Variants in ADAM20 observed in about 807,000 individuals in gnomAD.
ADAM20 encodes ADAM metallopeptidase domain 20.
For synonymous variants in ADAM20, 305 were observed against 310.2 expected, an observed-to-expected ratio of 0.98 and a Z score of 0.18; for missense variants, 871 against 883.2, an observed-to-expected ratio of 0.99 and a Z score of 0.18.
At chr14:70,540,997 T>G in the ADAM20 span, among the ~76,000 whole-genome samples, 2 of 151,918 alleles carry the variant, frequency 1.3e-5, no homozygotes, top group African/African-American at 4.8e-5. Flanking sequence ...TTCACCATGT[T>G]GGCCAGGATA....
the ADAM20 span, among the ~76,000 whole-genome samples, chr14:70,540,983 G>C: frequency 1.3e-5 from 2 of 151,846 alleles, no homozygotes; most frequent in South Asian, 4.2e-4. Context: ...AATAGAGACA[G>C]GGTTTCACCA....
At chr14:70,537,104 C>T (rs1192140176), upstream of ADAM20, among the ~76,000 whole-genome samples, 1 of 152,130 alleles carries the variant, frequency 6.6e-6, no homozygotes, top group Non-Finnish European at 1.5e-5. Context: ...TACAGGCTGT[C>T]ATGCAACCCA....
At chr14:70,528,198 A>G (rs10144489) in intron 1 of ADAM20, among the ~76,000 whole-genome samples, 6,461 of 152,292 alleles carry the variant, frequency 0.042, 241 homozygotes, top group African/African-American at 0.097. Context: ...ATTATGTTAA[A>G]CCTGCATAAA....
At chr14:70,536,048 C>A (rs1479769986), upstream of ADAM20, among the ~76,000 whole-genome samples, 34 of 152,098 alleles carry the variant, frequency 2.2e-4, no homozygotes, top group Admixed American at 2.2e-3. Context: ...ATCAAATTAA[C>A]CTAATGTACA....
At chr14:70,540,867 A>G in the ADAM20 span, among the ~76,000 whole-genome samples, 1 of 152,156 alleles carries the variant, frequency 6.6e-6, no homozygotes, top group Non-Finnish European at 1.5e-5. Flanking sequence ...ATCTTGGCTC[A>G]CTGCAACCTC....
the ADAM20 span, among the ~76,000 whole-genome samples, chr14:70,577,341 T>C: frequency 6.6e-6 from 1 of 152,292 alleles, no homozygotes; most frequent in East Asian, 1.9e-4. Context: ...GAAAACAGTG[T>C]AATCCATCAT....
the ADAM20 span, chr14:70,557,552 T>C: frequency 2.0e-5 from 3 of 152,216 alleles, no homozygotes; most frequent in African/African-American, 4.8e-5. Context: ...GAAAATGTCA[T>C]TAGGATTTAA....
the ADAM20 span, among the ~76,000 whole-genome samples, chr14:70,540,360 C>T: frequency 6.6e-6 from 1 of 152,064 alleles, no homozygotes; most frequent in South Asian, 2.1e-4. Flanking sequence ...AAAATAAGTG[C>T]TTAAATCAAA....
At chr14:70,531,026 C>A (rs1348129328) in intron 1 of ADAM20, among the ~76,000 whole-genome samples, 5 of 151,816 alleles carry the variant, frequency 3.3e-5, no homozygotes, top group Non-Finnish European at 7.4e-5. Flanking sequence ...GAGAATAGAC[C>A]ATTTAAAAAT....
intron 1 of ADAM20, among the ~76,000 whole-genome samples, chr14:70,525,943 C>T (rs75689633): frequency 0.011 from 1,702 of 152,218 alleles, 19 homozygotes; most frequent in South Asian, 0.031. Flanking sequence ...TCCTCCTGGT[C>T]ATGTCAATAC....
chr14:70,544,912 A>G, the ADAM20 span, among the ~76,000 whole-genome samples: 3 of 152,212 alleles, frequency 2.0e-5, no homozygotes, highest in Non-Finnish European at 4.4e-5. Flanking sequence ...GGTTCTTGAA[A>G]GTAATAATAA....
At chr14:70,537,333 G>A (rs766604214), upstream of ADAM20, among the ~76,000 whole-genome samples, 102 of 152,262 alleles carry the variant, frequency 6.7e-4, no homozygotes, top group Middle Eastern at 3.4e-3. Context: ...CAGGTATTTC[G>A]CTTTCTCCTC....
At chr14:70,537,397 A>G (rs754032394), upstream of ADAM20, among the ~76,000 whole-genome samples, 3 of 152,104 alleles carry the variant, frequency 2.0e-5, no homozygotes, top group Non-Finnish European at 2.9e-5. Flanking sequence ...CCAGTCCAAG[A>G]GGCCCTTTGC....
At chr14:70,566,685 A>T in the ADAM20 span, among the ~76,000 whole-genome samples, 1 of 152,188 alleles carries the variant, frequency 6.6e-6, no homozygotes, top group African/African-American at 2.4e-5. Context: ...TCCTGCAGAA[A>T]AAGTAGGCGG....
the ADAM20 span, among the ~76,000 whole-genome samples, chr14:70,576,342 CTTAACT>C: frequency 3.3e-5 from 5 of 152,048 alleles, no homozygotes; most frequent in African/African-American, 7.2e-5. Flanking sequence ...AACCTTTAGC[CTTAACT>C]TTAACTTTAA....
chr14:70,568,390 T>C, the ADAM20 span, among the ~76,000 whole-genome samples: 1 of 150,802 alleles, frequency 6.6e-6, no homozygotes, highest in Non-Finnish European at 1.5e-5. Context: ...AAAGATCCCA[T>C]GCAAATGATA....
chr14:70,575,927 A>C, the ADAM20 span, among the ~76,000 whole-genome samples: 1 of 152,206 alleles, frequency 6.6e-6, no homozygotes, highest in Non-Finnish European at 1.5e-5. Flanking sequence ...AGAGTCAATT[A>C]ATAGTGTTGT....
Position 70,523,440 on chromosome 14 carries a change from T to C in ADAM20, c.1318A>G (p.Thr440Ala). ...GCACAAGCAGCCCCAGGATGTAGAG[T>C]ACAGTTTAACAGACAACAGGGATCT... ...AKDPCCLLNC[T>A]LHPGAACAFG... Residue 440 changes from threonine (T) to alanine (A), a missense_variant, in exon 2 of 2, where the codon ACT (threonine) becomes GCT (alanine). Transcript: ENST00000256389. The C allele has an allele frequency of 6.2e-7, 1 of 1,613,942 alleles. No individual in the cohort carries two copies. The highest frequency in any genetic ancestry group is 1.1e-5 in the South Asian group (1 of 91,072).
chr14:70,566,170 A>G, the ADAM20 span, among the ~76,000 whole-genome samples: 1 of 152,220 alleles, frequency 6.6e-6, no homozygotes, highest in Admixed American at 6.5e-5. Flanking sequence ...TAAATATAGA[A>G]TCTTCTAATA....
Sources: allele counts gnomAD v4.1 joint callset (sites outside exome capture counted in the v4.1 genomes callset), GRCh38; gene constraint gnomAD v4.1.1; transcripts MANE v1.5; gene names NCBI Gene and HGNC (gene_info 2026-07-23, HGNC 2026-07-21).